The following PTPRQ variants were observed in gnomAD, a reference collection of about 807,000 sequenced individuals.
PTPRQ encodes phosphatidylinositol phosphatase PTPRQ.
A neutral mutation model predicts 246.0 loss-of-function variants in PTPRQ; 199 were observed. The ratio of observed to expected loss-of-function variants is 0.81; its 90% CI spans 0.72 to 0.91. PTPRQ has a LOEUF of 0.91. Ranked by LOEUF, PTPRQ falls within the 40% of genes least tolerant of loss-of-function variation. The pLI is 0.00. For synonymous variants in PTPRQ, 869 were observed against 853.2 expected (o/e 1.02, Z -0.32); for missense variants, 2,624 against 2,528.4 (o/e 1.04, Z -0.81).
chr12:80,558,119 C>CTTTCTTTTCTTCTCTTTTCT lies in PTPRQ; in HGVS notation c.4285+8396_4285+8397insCTCTTTTCTTTTCTTTTCTT, dbSNP rs1555198000. On this transcript the variant is annotated intron_variant, in intron 25 of 44. Coordinates refer to ENST00000644991, the MANE Select transcript of PTPRQ (RefSeq NM_001145026.2). ...CCCTCCTTTCTTCTTTCTTTTCTTT[C>CTTTCTTTTCTTCTCTTTTCT]TTTCTTTTCTTTTCTTTTCTTTTCT... is the stretch of plus-strand genomic sequence containing the variant. Among the ~76,000 whole-genome samples, 8 of 95,662 alleles carry CTTTCTTTTCTTCTCTTTTCT rather than the reference C, an allele frequency of 8.4e-5. No homozygotes were observed. In the East Asian group the frequency reaches 1.8e-3, roughly 21 times the overall value. The allele number at this position is 95,662 out of a possible 152,430, so 62.8% of individuals were successfully genotyped here.
chr12:80,671,578 T>A (rs1298846244), intron 42 of PTPRQ, among the ~76,000 whole-genome samples: 1 of 152,142 alleles, frequency 6.6e-6, no homozygotes, highest in East Asian at 1.9e-4. Context: ...TCTTTAAATA[T>A]CATTTGAAAA....
chr12:80,521,147 C>A (rs1191430237), intron 17 of PTPRQ, among the ~76,000 whole-genome samples: 5 of 152,164 alleles, frequency 3.3e-5, no homozygotes, highest in African/African-American at 1.2e-4. Context: ...CTTTTGGCTG[C>A]ATAAATGTCT....
chr12:80,614,527 T>G (rs1424143431), intron 29 of PTPRQ, among the ~76,000 whole-genome samples: 3 of 150,938 alleles, frequency 2.0e-5, no homozygotes, highest in Non-Finnish European at 3.0e-5. Context: ...AATTATCAGG[T>G]CATTGATAAT....
rs566436507 is a variant in PTPRQ at position 80,619,555 on chromosome 12, G to A, written c.5389+13G>A. On this transcript the variant is annotated intron_variant, in intron 31 of 44. Transcript: ENST00000644991. ...ACAGAAACAGGAGGTATCATCACAT[G>A]TCAATTTATCTTGTTAAATTGTGGA... 148 of 1,504,586 alleles carry A rather than the reference G, an allele frequency of 9.8e-5. No individual in the cohort carries two copies. Among genetic ancestry groups the A allele is most frequent in the Non-Finnish European group, 1.3e-4 (147 of 1,121,298 alleles). The allele number at this position is 1,504,586 out of a possible 1,614,324, so 93.2% of individuals were successfully genotyped here. A position where few individuals can be genotyped will look rare whatever the true frequency, so the allele number is the denominator to read the frequency against.
rs35189291 is a variant in PTPRQ at position 80,541,660 on chromosome 12, A to G, written c.3260A>G (p.Tyr1087Cys). Residue 1087 changes from tyrosine (Y) to cysteine (C), a missense_variant, in exon 21 of 45, where the codon TAT becomes TGT. Coordinates refer to ENST00000644991, the MANE Select transcript of PTPRQ (RefSeq NM_001145026.2). ...CAACCAAACGGTCTAGTCTTCTACTATGTTTCACTGATCTTACAGCAGACT... is the reference window on the plus strand; with the variant it reads ...CAACCAAACGGTCTAGTCTTCTACTGTGTTTCACTGATCTTACAGCAGACT... ...PAQPNGLVFY[Y>C]VSLILQQTPR... is the part of the protein sequence containing the mutation. The G allele has an allele frequency of 2.7e-3, 4,229 of 1,551,210 alleles. 40 individuals carry two copies. The highest frequency in any genetic ancestry group is 0.026 in the African/African-American group (1,872 of 73,132).
chr12:80,629,125 GGGA>G (rs1414072502), intron 33 of PTPRQ, among the ~76,000 whole-genome samples: 6 of 151,668 alleles, frequency 4.0e-5, no homozygotes, highest in Non-Finnish European at 7.4e-5. Context: ...ATATGGTGGG[GGGA>G]GGAGGAGGAG....
rs1212539277 is a variant in PTPRQ at position 80,457,632 on chromosome 12, A to G, written c.448A>G (p.Thr150Ala). The change falls in exon 4 of 45, where the codon ACT (threonine) becomes GCT (alanine). Residue 150 changes from threonine (T) to alanine (A), a missense_variant. Thr to Ala is a moderately conservative substitution (Grantham distance 58). Coordinates refer to ENST00000644991, the MANE Select transcript of PTPRQ (RefSeq NM_001145026.2). ...GVFSDPFLFQTAESAPGKVVN... is the reference protein window; with the variant it reads ...GVFSDPFLFQAAESAPGKVVN... Reference sequence around the variant, plus strand: ...GTTTAGTGATCCATTTCTCTTCCAAACTGCAGAAAGTGGTAATTTTCCTGT... The same window carrying G: ...GTTTAGTGATCCATTTCTCTTCCAAGCTGCAGAAAGTGGTAATTTTCCTGT... 2.5e-6 allele frequency: 1 copy of G among 400,250 alleles called. No individual in the cohort carries two copies. Among genetic ancestry groups the G allele is most frequent in the Non-Finnish European group, 4.4e-6 (1 of 225,890 alleles). The allele number at this position is 400,250 out of a possible 1,614,324, so 24.8% of individuals were successfully genotyped here.
Position 80,648,949 on chromosome 12 carries a change from T to C in PTPRQ, c.5942+26T>C, listed in dbSNP as rs755207347. ...GTAAGTTTGTTAAATATTTTCTTTC[T>C]TCTTTTTGAATATCAAAGTTAGATG... is the stretch of plus-strand genomic sequence containing the variant. On this transcript the variant is annotated intron_variant, in intron 36 of 44. Coordinates refer to ENST00000644991, the MANE Select transcript of PTPRQ (RefSeq NM_001145026.2). The C allele has an allele frequency of 2.3e-5, 34 of 1,494,526 alleles. No homozygotes were observed. The South Asian group carries it at 3.7e-4, about 16-fold the overall frequency. The allele number at this position is 1,494,526 out of a possible 1,614,324, so 92.6% of individuals were successfully genotyped here. A position where few individuals can be genotyped will look rare whatever the true frequency, so the allele number is the denominator to read the frequency against.
Position 80,658,005 on chromosome 12 carries a change from C to A in PTPRQ, c.6136C>A (p.Leu2046Met). 2 of 1,434,270 alleles carry A rather than the reference C, an allele frequency of 1.4e-6. No homozygotes were observed. Among genetic ancestry groups the A allele is most frequent in the Non-Finnish European group, 1.8e-6 (2 of 1,091,972 alleles). 88.8% of individuals were successfully genotyped at this position (1,434,270 alleles called of 1,614,324 possible). A position where few individuals can be genotyped will look rare whatever the true frequency, so the allele number is the denominator to read the frequency against. The change falls in exon 39 of 45, where the codon CTG becomes ATG. Residue 2046 changes from leucine to methionine, a missense_variant. Transcript: ENST00000644991. ...IKPYNNNRVK[L>M]IADASVPGSD... ...TCTAGATAATAATAACAGAGTAAAG[C>A]TGATAGCTGACGCTAGTGTTCCAGG...
At chr12:80,545,246 A>G (rs958076439) in intron 23 of PTPRQ, among the ~76,000 whole-genome samples, 2 of 152,222 alleles carry the variant, frequency 1.3e-5, no homozygotes, top group East Asian at 3.9e-4. Flanking sequence ...TAATCTCCAG[A>G]TTATCTAATG....
At position 80,649,613 on chromosome 12, in the gene PTPRQ, C is replaced by T; in HGVS notation, c.5968C>T (p.Gln1990Ter). The T allele has an allele frequency of 1.3e-6, 2 of 1,549,672 alleles. No homozygotes were observed. The highest frequency in any genetic ancestry group is 1.2e-5 in the South Asian group (1 of 83,762). Reference sequence around the variant, plus strand: ...GCCAATAAGCAAGAAATCCTTCCTGCAACATGTTGAAGAGCTTTGCACAAA... The same window carrying T: ...GCCAATAAGCAAGAAATCCTTCCTGTAACATGTTGAAGAGCTTTGCACAAA... ...IKPISKKSFL[Q>*]HVEELCTNNN... The change falls in exon 37 of 45, where the codon CAA becomes TAA. Residue 1990 changes from glutamine to a stop codon, truncating the protein, a stop_gained. Coordinates refer to ENST00000644991, the MANE Select transcript of PTPRQ (RefSeq NM_001145026.2). LOFTEE classifies it high-confidence loss of function.
chr12:80,584,333 T>C (rs573460123), intron 25 of PTPRQ: 7 of 152,316 alleles, frequency 4.6e-5, no homozygotes, highest in African/African-American at 1.7e-4. Context: ...TTCTCATTTA[T>C]TTGCCTGTTC....
rs1410938787 is a variant in PTPRQ, at chr12:80,482,718, C to T, written c.1187-1715C>T. Among the ~76,000 whole-genome samples, 1,190 of 151,400 alleles carry T rather than the reference C, an allele frequency of 7.9e-3. 19 individuals carry two copies. The highest frequency in any genetic ancestry group is 0.028 in the African/African-American group (1,133 of 40,876). The stretch of plus-strand genomic sequence containing the variant: ...ACCCCATCAAAAAGTGGGCGAAGGA[C>T]ATGAACAGACACTTCTCAAAAGAAG... On this transcript the variant is annotated intron_variant, in intron 8 of 44. Transcript: ENST00000644991.
intron 22 of PTPRQ, 124 bp from the exon 23 acceptor site, chr12:80,542,606 T>A: frequency 1.6e-6 from 2 of 1,243,228 alleles, no homozygotes; most frequent in Non-Finnish European, 2.2e-6. Context: ...TATTTGTTTC[T>A]GAAATTTAAA....
chr12:80,453,352 T>G (rs4460867), intron 3 of PTPRQ, among the ~76,000 whole-genome samples: 14,620 of 152,170 alleles, frequency 0.096, 1,490 homozygotes, highest in African/African-American at 0.25. Context: ...GTCCGAAGCC[T>G]TCTTCTCTCA....
chr12:80,483,378 G>A (rs1282024225), intron 8 of PTPRQ, among the ~76,000 whole-genome samples: 1 of 118,678 alleles, frequency 8.4e-6, no homozygotes, highest in Admixed American at 9.2e-5. Flanking sequence ...GCCTGTTGTG[G>A]GGTGGGGGGA....
chr12:80,524,832 T>G (rs1261783435), intron 17 of PTPRQ, among the ~76,000 whole-genome samples: 1 of 152,156 alleles, frequency 6.6e-6, no homozygotes, highest in African/African-American at 2.4e-5. Context: ...AGAATAAGAA[T>G]TCACACCCAG....
At chr12:80,572,423 C>A (rs534025358) in intron 25 of PTPRQ, among the ~76,000 whole-genome samples, 1 of 152,022 alleles carries the variant, frequency 6.6e-6, no homozygotes, top group South Asian at 2.1e-4. Flanking sequence ...AAATAATATT[C>A]TATATTAAAA....
chr12:80,661,765 A>G (rs573854922), intron 39 of PTPRQ, among the ~76,000 whole-genome samples: 1 of 151,914 alleles, frequency 6.6e-6, no homozygotes, highest in East Asian at 1.9e-4. Context: ...TATAATATGG[A>G]TAAACTTTAA....
Sources: allele counts gnomAD v4.1 joint callset (sites outside exome capture counted in the v4.1 genomes callset), GRCh38; gene constraint gnomAD v4.1.1; transcripts MANE v1.5; gene names NCBI Gene and HGNC (gene_info 2026-07-23, HGNC 2026-07-21).